The following DPYSL3 variants were observed in gnomAD, a reference collection of about 807,000 sequenced individuals.
The protein encoded by DPYSL3 is dihydropyrimidinase-related protein 3.
Under a neutral mutation model 66.1 loss-of-function variants are expected in DPYSL3, and 16 were observed. That is an observed-to-expected ratio of 0.24 (90% CI 0.16 to 0.37). The LOEUF is 0.37. Among genes scored for constraint, DPYSL3 ranks in the 10% least tolerant of loss-of-function variants. DPYSL3 has a pLI of 1.00. For missense variants in DPYSL3, 738 were observed against 916.2 expected, an observed-to-expected ratio of 0.81 and a Z score of 2.51; for synonymous variants, 338 against 345.1, an observed-to-expected ratio of 0.98 and a Z score of 0.23.
At chr5:147,441,132 G>C (rs1000506937) in intron 1 of DPYSL3, among the ~76,000 whole-genome samples, 7 of 151,630 alleles carry the variant, frequency 4.6e-5, no homozygotes, top group East Asian at 1.9e-4. Flanking sequence ...AACTTCTCAA[G>C]TTTTAAGTTT....
chr5:147,430,453 T>C (rs975599886), intron 1 of DPYSL3, among the ~76,000 whole-genome samples: 2 of 143,272 alleles, frequency 1.4e-5, no homozygotes, highest in African/African-American at 5.2e-5. Flanking sequence ...GAGATTGCAG[T>C]GAGCCAAGAT....
intron 1 of DPYSL3, among the ~76,000 whole-genome samples, chr5:147,449,766 C>T (rs1752691876): frequency 6.6e-6 from 1 of 152,184 alleles, no homozygotes; most frequent in Admixed American, 6.5e-5. Flanking sequence ...ACACTGGAAC[C>T]TAAGTGCCTA....
rs530746832 is a variant in DPYSL3, at chr5:147,490,802, C to T, written c.381+18676G>A. 2.6e-5 allele frequency among the ~76,000 whole-genome samples: 4 copies of T among 152,148 alleles called. No homozygotes were observed. In the South Asian group the frequency reaches 8.3e-4, roughly 32 times the overall value. On this transcript the variant is annotated intron_variant, in intron 1 of 13. Transcript: ENST00000343218. ...GCCTGGGATAGGAAAACTTGAACTG[C>T]AATTGGTTAATTGCTGGATGCTAGA...
chr5:147,463,736 G>C (rs1171411158), intron 1 of DPYSL3, among the ~76,000 whole-genome samples: 3 of 152,118 alleles, frequency 2.0e-5, no homozygotes, highest in African/African-American at 7.3e-5. Flanking sequence ...TCAGCTACTG[G>C]TGCTGTCAAA....
chr5:147,436,817 G>A (rs1156574759), intron 1 of DPYSL3, among the ~76,000 whole-genome samples: 1 of 152,174 alleles, frequency 6.6e-6, no homozygotes, highest in East Asian at 1.9e-4. Context: ...ACCAGACTGA[G>A]TTTTAAAGCA....
Position 147,393,364 on chromosome 5 carries a change from A to C in DPYSL3, c.*671T>G, listed in dbSNP as rs1272857374. 1 of 152,300 alleles carries C rather than the reference A, an allele frequency of 6.6e-6. No homozygotes were observed. Among genetic ancestry groups the C allele is most frequent in the African/African-American group, 2.4e-5 (1 of 41,464 alleles). The allele number at this position is 152,300 out of a possible 1,614,324, so 9.4% of individuals were successfully genotyped here. On this transcript the variant is annotated 3_prime_UTR_variant, in exon 14 of 14. Transcript: ENST00000343218. ...ACACTGGCACAATCAAGCAGGTGGA[A>C]GAAATGGTTGGGTCTTGGCATTTTA...
At chr5:147,436,583 T>C (rs1752418317) in intron 1 of DPYSL3, among the ~76,000 whole-genome samples, 1 of 152,210 alleles carries the variant, frequency 6.6e-6, no homozygotes, top group Non-Finnish European at 1.5e-5. Context: ...CTTCTATTTA[T>C]TTACATTATT....
chr5:147,448,798 C>T (rs181120876), intron 1 of DPYSL3, among the ~76,000 whole-genome samples: 53 of 152,324 alleles, frequency 3.5e-4, no homozygotes, highest in Admixed American at 1.5e-3. Context: ...ATACCTGAGG[C>T]CTTCTCCTAG....
chr5:147,413,735 C>T (rs1751902197), intron 4 of DPYSL3, 78 bp from the exon 5 acceptor site: 1 of 1,169,232 alleles, frequency 8.6e-7, no homozygotes. Flanking sequence ...GCTCCCACTT[C>T]CATCGACCAT....
In DPYSL3 at chr5:147,429,350, A is replaced by G. The variant is rs915623379; in HGVS notation, c.382-4387T>C. ...GCTAGGTTTTGCCACTGCTGGGAGA[A>G]TCAGACACACCACTTAACTACGTGT... On this transcript the variant is annotated intron_variant, in intron 1 of 13. Transcript: ENST00000343218. Among the ~76,000 whole-genome samples, 31 of 152,186 alleles carry G rather than the reference A, an allele frequency of 2.0e-4. No homozygotes were observed. The East Asian group carries it at 4.8e-3, about 24-fold the overall frequency.
chr5:147,481,202 G>C (rs1265003308), intron 1 of DPYSL3, among the ~76,000 whole-genome samples: 1 of 152,132 alleles, frequency 6.6e-6, no homozygotes, highest in African/African-American at 2.4e-5. Context: ...GTGACAGTTG[G>C]CAAGTCACTG....
At chr5:147,413,263 C>A (rs905044256) in intron 5 of DPYSL3, among the ~76,000 whole-genome samples, 1 of 152,138 alleles carries the variant, frequency 6.6e-6, no homozygotes, top group African/African-American at 2.4e-5. Flanking sequence ...AGAAGGCCCT[C>A]CTGGTCCTGC....
chr5:147,423,395 T>A (rs1176297173), intron 2 of DPYSL3, among the ~76,000 whole-genome samples: 1 of 152,228 alleles, frequency 6.6e-6, no homozygotes. Flanking sequence ...GCAAGTTATT[T>A]ACACTCTATG....
At chr5:147,441,174 T>C (rs972996298) in intron 1 of DPYSL3, among the ~76,000 whole-genome samples, 36 of 151,698 alleles carry the variant, frequency 2.4e-4, no homozygotes, top group Admixed American at 1.3e-3. Flanking sequence ...CTTCACTTTC[T>C]CCCTTTATGA....
At chr5:147,496,512 CTAA>C (rs1753512445) in intron 1 of DPYSL3, among the ~76,000 whole-genome samples, 1 of 151,696 alleles carries the variant, frequency 6.6e-6, no homozygotes, top group Non-Finnish European at 1.5e-5. Flanking sequence ...TGACAAAGGG[CTAA>C]TATCCAGAAT....
chr5:147,426,574 G>A (rs1398662875), intron 1 of DPYSL3, among the ~76,000 whole-genome samples: 2 of 152,088 alleles, frequency 1.3e-5, no homozygotes, highest in Non-Finnish European at 2.9e-5. Flanking sequence ...CTGATTAAGG[G>A]GTCAAGGGCA....
intron 1 of DPYSL3, among the ~76,000 whole-genome samples, chr5:147,429,109 T>C (rs998040634): frequency 5.9e-5 from 9 of 152,192 alleles, no homozygotes; most frequent in African/African-American, 2.2e-4. Context: ...GCAATCTTTC[T>C]AATGTAATTA....
intron 1 of DPYSL3, among the ~76,000 whole-genome samples, chr5:147,471,096 C>CTACA (rs1466927858): frequency 1.3e-5 from 2 of 152,058 alleles, no homozygotes; most frequent in African/African-American, 4.8e-5. Flanking sequence ...TGCATATATG[C>CTACA]TACATACATG....
Position 147,413,597 on chromosome 5 carries a change from T to G in DPYSL3, c.881A>C (p.Glu294Ala). The G allele has an allele frequency of 6.2e-7, 1 of 1,612,218 alleles. No homozygotes were observed. Among genetic ancestry groups the G allele is most frequent in the Non-Finnish European group, 8.5e-7 (1 of 1,178,652 alleles). The part of the protein sequence containing the change: ...YKDLYQVSNT[E>A]LYEIFTCLGE... ...ACCACATAGCAAATGGGTTGTTACC[T>G]CTGTGTTAGATACTTGATACAAATC... Residue 294 changes from glutamate (E) to alanine (A), a missense_variant and splice_region_variant, in exon 5 of 14, where the codon GAG becomes GCG. Glu to Ala is a moderately radical substitution (Grantham distance 107). Transcript: ENST00000343218.
Sources: gnomAD v4.1 joint callset for allele counts (sites outside exome capture counted in the v4.1 genomes callset) on GRCh38, gnomAD v4.1.1 for gene constraint, MANE v1.5 for transcripts, NCBI Gene and HGNC (gene_info 2026-07-23, HGNC 2026-07-21) for gene names.